The following PCDH9 variants were observed in gnomAD, a reference collection of about 807,000 sequenced individuals.
The protein encoded by PCDH9 is protocadherin 9.
In PCDH9, 24 loss-of-function variants were observed where a neutral mutation model predicts 70.6. The ratio of observed to expected loss-of-function variants is 0.34; its 90% CI spans 0.25 to 0.48. PCDH9 has a LOEUF of 0.48. Among genes scored for constraint, PCDH9 ranks in the 20% least tolerant of loss-of-function variants. The probability of loss-of-function intolerance (pLI) is 0.99; values close to 1 mark genes in which losing one functional copy is unlikely to be tolerated. For synonymous variants in PCDH9, 562 were observed against 558.5 expected, an observed-to-expected ratio of 1.01 and a Z score of -0.09; for missense variants, 1,281 against 1,503.6, an observed-to-expected ratio of 0.85 and a Z score of 2.45.
chr13:67,117,140 T>A (rs576668586), intron 2 of PCDH9, among the ~76,000 whole-genome samples: 4 of 152,178 alleles, frequency 2.6e-5, no homozygotes, highest in Non-Finnish European at 5.9e-5. Flanking sequence ...GGTGGCAAAT[T>A]TGACAGGTTA....
rs1490483313 is a variant in PCDH9 at position 67,076,376 on chromosome 13, C to T, written c.3036+149029G>A. Among the ~76,000 whole-genome samples, 6 of 152,032 alleles carry T rather than the reference C, an allele frequency of 3.9e-5. No homozygotes were observed. The South Asian group carries it at 6.2e-4, about 16-fold the overall frequency. On this transcript the variant is annotated intron_variant, in intron 2 of 4. Transcript: ENST00000377865. ...CAATATGTGAATAACTATAAACATG[C>T]GTAATTAATTGGTAAATCAAATAGC... is the stretch of plus-strand genomic sequence containing the variant.
chr13:66,858,391 G>A (rs2081429200), intron 3 of PCDH9, among the ~76,000 whole-genome samples: 1 of 152,106 alleles, frequency 6.6e-6, no homozygotes, highest in Admixed American at 6.6e-5. Context: ...AAATTCGTTA[G>A]ATGACATACA....
chr13:66,523,537 A>G (rs921351863), intron 4 of PCDH9, among the ~76,000 whole-genome samples: 1 of 150,518 alleles, frequency 6.6e-6, no homozygotes, highest in Admixed American at 6.6e-5. Context: ...AGATGAACTT[A>G]ACATATATAT....
At chr13:66,834,819 A>G (rs1483204673) in intron 3 of PCDH9, among the ~76,000 whole-genome samples, 2 of 152,222 alleles carry the variant, frequency 1.3e-5, no homozygotes, top group African/African-American at 2.4e-5. Context: ...GATCCACTTA[A>G]CACTTCAGCA....
At chr13:66,691,843 T>C (rs2078491543) in intron 3 of PCDH9, among the ~76,000 whole-genome samples, 1 of 152,210 alleles carries the variant, frequency 6.6e-6, no homozygotes, top group Non-Finnish European at 1.5e-5. Flanking sequence ...TTTGAAATCA[T>C]GGTCAGTGCC....
rs541412371 is a variant in PCDH9 at position 66,528,979 on chromosome 13, C to G, written c.3340+102231G>C. 3.1e-4 allele frequency among the ~76,000 whole-genome samples: 47 copies of G among 152,126 alleles called. 1 individual carries two copies. The South Asian group carries it at 9.6e-3, about 31-fold the overall frequency. On this transcript the variant is annotated intron_variant, in intron 4 of 4. Coordinates refer to ENST00000377865, the MANE Select transcript of PCDH9 (RefSeq NM_203487.3). ...CAACTTTTAAACTTTGAGTGGTACC[C>G]TTCTCTACTCTTCTCTAGCAAAGTC...
At chr13:66,862,448 T>C (rs944485189) in intron 3 of PCDH9, among the ~76,000 whole-genome samples, 4 of 152,190 alleles carry the variant, frequency 2.6e-5, no homozygotes, top group Admixed American at 6.5e-5. Flanking sequence ...TTCCCTGTTA[T>C]AGAGGAACAA....
intron 2 of PCDH9, among the ~76,000 whole-genome samples, chr13:67,178,226 A>G (rs1324891248): frequency 3.3e-5 from 5 of 152,074 alleles, no homozygotes; most frequent in Non-Finnish European, 7.4e-5. Context: ...TAAGATGGGG[A>G]AAAAGATACT....
At chr13:66,659,747 G>T (rs549959204) in intron 3 of PCDH9, among the ~76,000 whole-genome samples, 2 of 150,922 alleles carry the variant, frequency 1.3e-5, no homozygotes, top group South Asian at 4.2e-4. Context: ...TATATCTTCT[G>T]TTCTCAACTT....
intron 2 of PCDH9, among the ~76,000 whole-genome samples, chr13:67,113,233 A>G (rs1012064543): frequency 6.6e-6 from 1 of 152,230 alleles, no homozygotes; most frequent in Non-Finnish European, 1.5e-5. Flanking sequence ...GTGGGAGAGT[A>G]GATTAAATAA....
chr13:66,584,683 T>C (rs2076939369), intron 4 of PCDH9, among the ~76,000 whole-genome samples: 1 of 152,148 alleles, frequency 6.6e-6, no homozygotes, highest in Non-Finnish European at 1.5e-5. Context: ...TTAAAGCCTG[T>C]CAAAATATGT....
chr13:66,380,820 G>A (rs1956835604), intron 4 of PCDH9, among the ~76,000 whole-genome samples: 1 of 152,176 alleles, frequency 6.6e-6, no homozygotes, highest in South Asian at 2.1e-4. Context: ...TGGGATTACA[G>A]GCGTGAGCCA....
intron 2 of PCDH9, among the ~76,000 whole-genome samples, chr13:67,120,889 A>G (rs961753701): frequency 1.3e-5 from 2 of 152,196 alleles, no homozygotes; most frequent in East Asian, 3.9e-4. Flanking sequence ...CATCGGAAAA[A>G]TATCTTGCTT....
intron 4 of PCDH9, among the ~76,000 whole-genome samples, chr13:66,539,449 G>C (rs1299164830): frequency 6.6e-6 from 1 of 152,032 alleles, no homozygotes; most frequent in Non-Finnish European, 1.5e-5. Flanking sequence ...TGGTTTTATA[G>C]GGCCTTTCCC....
At chr13:67,005,719 A>T (rs2084337271) in intron 2 of PCDH9, among the ~76,000 whole-genome samples, 1 of 152,222 alleles carries the variant, frequency 6.6e-6, no homozygotes, top group Non-Finnish European at 1.5e-5. Flanking sequence ...AAAGTAAAGA[A>T]ATGCATTTAG....
intron 3 of PCDH9, among the ~76,000 whole-genome samples, chr13:66,852,018 T>C (rs957960218): frequency 6.6e-6 from 1 of 151,980 alleles, no homozygotes; most frequent in Non-Finnish European, 1.5e-5. Context: ...GTCTCTCTTC[T>C]TCTTCTTATA....
chr13:66,385,067 T>C (rs1328639543), intron 4 of PCDH9, among the ~76,000 whole-genome samples: 2 of 152,196 alleles, frequency 1.3e-5, no homozygotes, highest in African/African-American at 2.4e-5. Flanking sequence ...CTCTATGTAT[T>C]TGACATTTTT....
intron 4 of PCDH9, among the ~76,000 whole-genome samples, chr13:66,315,136 C>A (rs1053154629): frequency 1.3e-5 from 2 of 152,158 alleles, no homozygotes; most frequent in Non-Finnish European, 2.9e-5. Flanking sequence ...CCCCACTGGG[C>A]AGCTCGCACA....
intron 4 of PCDH9, among the ~76,000 whole-genome samples, chr13:66,412,929 G>A (rs1957395765): frequency 6.6e-6 from 1 of 152,138 alleles, no homozygotes. Context: ...CACACACAGG[G>A]AATATGTTCA....
Sources: gnomAD v4.1 joint callset for allele counts (sites outside exome capture counted in the v4.1 genomes callset) on GRCh38, gnomAD v4.1.1 for gene constraint, MANE v1.5 for transcripts, NCBI Gene and HGNC (gene_info 2026-07-23, HGNC 2026-07-21) for gene names.